NEGR1: variants seen among roughly 807,000 people sequenced by gnomAD.
The protein encoded by NEGR1 is IgLON family member 4.
In NEGR1, 10 loss-of-function variants were observed where a neutral mutation model predicts 40.9. The observed-to-expected ratio is 0.24, with a 90% confidence interval of 0.15 to 0.42. NEGR1 has a LOEUF of 0.42. Among genes scored for constraint, NEGR1 ranks in the 10% least tolerant of loss-of-function variants. The probability of loss-of-function intolerance (pLI) is 1.00; values close to 1 mark genes in which losing one functional copy is unlikely to be tolerated. For synonymous variants in NEGR1, 185 were observed against 166.8 expected (o/e 1.11, Z -0.84); for missense variants, 352 against 438.9 (o/e 0.80, Z 1.77).
chr1:72,146,099 T>C (rs1650899387), intron 1 of NEGR1, among the ~76,000 whole-genome samples: 1 of 152,136 alleles, frequency 6.6e-6, no homozygotes, highest in Non-Finnish European at 1.5e-5. Flanking sequence ...GTTTTCACTA[T>C]ACTATATTTT....
intron 1 of NEGR1, among the ~76,000 whole-genome samples, chr1:72,252,783 GC>G (rs771078166): frequency 3.3e-5 from 5 of 152,092 alleles, no homozygotes; most frequent in African/African-American, 4.8e-5. Flanking sequence ...CTCTCTGAAA[GC>G]AGTATATGAT....
chr1:71,990,341 A>G (rs1186396549), intron 1 of NEGR1, among the ~76,000 whole-genome samples: 4 of 152,156 alleles, frequency 2.6e-5, no homozygotes, highest in Non-Finnish European at 4.4e-5. Flanking sequence ...AAGCAAAAAT[A>G]CTGCTCTTTT....
chr1:71,950,600 C>G (rs943603279), intron 1 of NEGR1, among the ~76,000 whole-genome samples: 1 of 151,894 alleles, frequency 6.6e-6, no homozygotes, highest in Non-Finnish European at 1.5e-5. Context: ...TTATGAAAAT[C>G]AAAACCTACT....
rs534966056 is a variant in NEGR1, at chr1:71,798,674, A to G, written c.410-22377T>C. On this transcript the variant is annotated intron_variant, in intron 2 of 6. Transcript: ENST00000357731. ...GAGATCTAGGATTCAAACTGAGCTG[A>G]TCTGAGTCTGAAACCTAATATTTTT... Among the ~76,000 whole-genome samples the G allele has an allele frequency of 6.6e-5, 10 of 152,298 alleles. No homozygotes were observed. In the South Asian group the frequency reaches 2.1e-3, roughly 32 times the overall value.
At chr1:71,617,758 C>T (rs1160600102) in intron 4 of NEGR1, among the ~76,000 whole-genome samples, 2 of 152,172 alleles carry the variant, frequency 1.3e-5, no homozygotes, top group Non-Finnish European at 2.9e-5. Context: ...TAACTCACAT[C>T]TGTTGCCACA....
At chr1:72,279,313 T>C (rs1870676) in intron 1 of NEGR1, among the ~76,000 whole-genome samples, 73,951 of 151,922 alleles carry the variant, frequency 0.49, 19,307 homozygotes, top group East Asian at 0.85. Context: ...CAGAAATGTA[T>C]CATTTGACCT....
chr1:71,704,804 A>C (rs960729047), intron 3 of NEGR1, among the ~76,000 whole-genome samples: 2 of 151,898 alleles, frequency 1.3e-5, no homozygotes, highest in Admixed American at 6.6e-5. Flanking sequence ...ATATCAGGAC[A>C]AAAAATATCA....
At chr1:71,645,525 GA>G (rs976195739) in intron 4 of NEGR1, among the ~76,000 whole-genome samples, 3 of 151,304 alleles carry the variant, frequency 2.0e-5, no homozygotes, top group Non-Finnish European at 4.4e-5. Flanking sequence ...TCCCACAGCA[GA>G]AAAAAAATCT....
At chr1:72,214,105 T>C (rs1314187652) in intron 1 of NEGR1, among the ~76,000 whole-genome samples, 2 of 151,844 alleles carry the variant, frequency 1.3e-5, no homozygotes, top group Admixed American at 6.6e-5. Flanking sequence ...ACAGAAACAA[T>C]GACAAAAACA....
intron 1 of NEGR1, among the ~76,000 whole-genome samples, chr1:72,013,963 TAAAAAA>T (rs1161156816): frequency 1.1e-4 from 10 of 88,496 alleles, no homozygotes; most frequent in Admixed American, 3.7e-4. Flanking sequence ...CTGTGAAAAA[TAAAAAA>T]AAAAAAAAAA....
At chr1:71,426,516 G>A (rs991082842) in intron 6 of NEGR1, among the ~76,000 whole-genome samples, 11 of 151,066 alleles carry the variant, frequency 7.3e-5, no homozygotes, top group South Asian at 2.1e-4. Context: ...AAGATCAAGC[G>A]TACTGTAGGT....
chr1:71,735,973 T>C (rs2101670093), intron 3 of NEGR1, among the ~76,000 whole-genome samples: 1 of 152,202 alleles, frequency 6.6e-6, no homozygotes, highest in East Asian at 1.9e-4. Flanking sequence ...ATTGAAATGA[T>C]CAATTAATGT....
chr1:72,026,373 C>CT (rs34356052), intron 1 of NEGR1, among the ~76,000 whole-genome samples: 30,679 of 143,494 alleles, frequency 0.21, 3,913 homozygotes, highest in African/African-American at 0.36. Context: ...TCCAAGCTAC[C>CT]TTTTTTTTTT....
At chr1:71,975,049 T>C (rs552717366) in intron 1 of NEGR1, among the ~76,000 whole-genome samples, 2 of 152,334 alleles carry the variant, frequency 1.3e-5, no homozygotes, top group East Asian at 3.9e-4. Flanking sequence ...ATCAACTTTT[T>C]TCTTCAGTCA....
chr1:72,277,152 A>G (rs913881431), intron 1 of NEGR1, among the ~76,000 whole-genome samples: 5 of 152,150 alleles, frequency 3.3e-5, no homozygotes, highest in African/African-American at 1.2e-4. Context: ...TCCATTGGCT[A>G]ACGACAGCCT....
At chr1:72,132,318 T>C (rs1244841955) in intron 1 of NEGR1, among the ~76,000 whole-genome samples, 1 of 152,060 alleles carries the variant, frequency 6.6e-6, no homozygotes, top group African/African-American at 2.4e-5. Flanking sequence ...AGTAGCCCAG[T>C]TTAGAAGAAG....
At chr1:72,121,866 T>A (rs949448943) in intron 1 of NEGR1, among the ~76,000 whole-genome samples, 1 of 152,056 alleles carries the variant, frequency 6.6e-6, no homozygotes, top group Non-Finnish European at 1.5e-5. Flanking sequence ...CATCTTTTTT[T>A]AAATTTATAT....
intron 4 of NEGR1, among the ~76,000 whole-genome samples, chr1:71,652,497 A>C (rs188199939): frequency 1.3e-5 from 2 of 152,184 alleles, no homozygotes; most frequent in African/African-American, 4.8e-5. Flanking sequence ...GGCTACTTAT[A>C]TACTACAATA....
chr1:71,676,580 G>T (rs1652644726), intron 4 of NEGR1, among the ~76,000 whole-genome samples: 1 of 152,162 alleles, frequency 6.6e-6, no homozygotes, highest in Admixed American at 6.5e-5. Context: ...TTCAACCGTT[G>T]TTGGGTGTCT....
Sources: gnomAD v4.1 joint callset for allele counts (sites outside exome capture counted in the v4.1 genomes callset) on GRCh38, gnomAD v4.1.1 for gene constraint, MANE v1.5 for transcripts, NCBI Gene and HGNC (gene_info 2026-07-23, HGNC 2026-07-21) for gene names.